Variants in EOGT observed in about 807,000 individuals in gnomAD.
EOGT encodes the protein EGF domain-specific O-linked N-acetylglucosamine transferase.
In EOGT, 55 loss-of-function variants were observed where a neutral mutation model predicts 70.5. The observed-to-expected ratio is 0.78, with a 90% CI of 0.63 to 0.98. The LOEUF (loss-of-function observed/expected upper bound fraction) is 0.98, where lower values mean the gene tolerates loss of function less well. EOGT is among the 50% of genes least tolerant of loss of function. The pLI, the probability that EOGT is intolerant of heterozygous loss-of-function variation, is 0.00. For synonymous variants in EOGT, 246 were observed against 217.1 expected, an observed-to-expected ratio of 1.13 and a Z score of -1.17; for missense variants, 703 against 641.9, an observed-to-expected ratio of 1.10 and a Z score of -1.03.
At chr3:68,989,748 C>CAAA (rs56000169) in intron 10 of EOGT, among the ~76,000 whole-genome samples, 17 of 93,214 alleles carry the variant, frequency 1.8e-4, no homozygotes, top group African/African-American at 4.7e-4. Flanking sequence ...AACTCCATCT[C>CAAA]AAAAAAAAAA....
chr3:68,975,433 C>T lies in EOGT; in HGVS notation c.*2185G>A, dbSNP rs1333074769. The T allele has an allele frequency of 2.0e-5, 3 of 152,422 alleles. No homozygotes were observed. Among genetic ancestry groups the T allele is most frequent in the East Asian group, 1.9e-4 (1 of 5,192 alleles). 9.4% of individuals were successfully genotyped at this position (152,422 alleles called of 1,614,324 possible). A position where few individuals can be genotyped will look rare whatever the true frequency, so the allele number is the denominator to read the frequency against. The stretch of plus-strand genomic sequence containing the variant: ...AATGTATTCTCTCTTCAAATATAGC[C>T]GTTTTATTATGAAATTGTTCTCAAT... On this transcript the variant is annotated 3_prime_UTR_variant, in exon 18 of 18. Transcript: ENST00000383701.
At chr3:68,996,232 A>G (rs1387734179) in intron 10 of EOGT, among the ~76,000 whole-genome samples, 1 of 152,216 alleles carries the variant, frequency 6.6e-6, no homozygotes, top group Non-Finnish European at 1.5e-5. Flanking sequence ...TTATAGTCTC[A>G]TCAGACTTCA....
chr3:69,007,218 A>C (rs950593605), intron 6 of EOGT, among the ~76,000 whole-genome samples: 1 of 152,246 alleles, frequency 6.6e-6, no homozygotes, highest in Non-Finnish European at 1.5e-5. Context: ...AGGAAAGAAA[A>C]CAACCTATTT....
At chr3:68,984,302 G>A (rs2090740358) in intron 14 of EOGT, among the ~76,000 whole-genome samples, 1 of 152,122 alleles carries the variant, frequency 6.6e-6, no homozygotes, top group Non-Finnish European at 1.5e-5. Context: ...CTTATAAAGA[G>A]TTGAAGGGGT....
At chr3:68,983,323 A>G (rs2090706018) in intron 14 of EOGT, among the ~76,000 whole-genome samples, 1 of 152,246 alleles carries the variant, frequency 6.6e-6, no homozygotes, top group African/African-American at 2.4e-5. Context: ...CTCATTTCAG[A>G]CAACACTAGC....
At chr3:68,982,913 T>A in intron 14 of EOGT, 41 bp from the exon 15 acceptor site, 1 of 1,533,900 alleles carries the variant, frequency 6.5e-7, no homozygotes, top group Non-Finnish European at 8.9e-7. Flanking sequence ...CTTTTCCTTC[T>A]TTCACTTCTG....
chr3:69,008,395 G>T (rs751825420), intron 5 of EOGT, 33 bp downstream of exon 5: 1 of 1,447,798 alleles, frequency 6.9e-7, no homozygotes, highest in Non-Finnish European at 9.7e-7. Context: ...GAAAGAGGAA[G>T]ACTTGAAGAG....
At chr3:68,985,969 C>G (rs763522604) in intron 14 of EOGT, among the ~76,000 whole-genome samples, 1 of 152,130 alleles carries the variant, frequency 6.6e-6, no homozygotes, top group Non-Finnish European at 1.5e-5. Context: ...CTTCTAGAAG[C>G]CCTCCACACT....
At chr3:68,987,590 A>AT in intron 13 of EOGT, 77 bp from the exon 14 acceptor site, 1 of 1,097,140 alleles carries the variant, frequency 9.1e-7, no homozygotes, top group East Asian at 2.4e-5. Context: ...CCAAAATGTG[A>AT]TTTTCACAAA....
intron 9 of EOGT, among the ~76,000 whole-genome samples, chr3:69,000,794 A>T (rs146336177): frequency 1.3e-5 from 2 of 152,306 alleles, no homozygotes; most frequent in African/African-American, 2.4e-5. Flanking sequence ...AGAGGCTATA[A>T]GTATAAATGA....
At chr3:68,982,114 G>C (rs1199298971) in intron 15 of EOGT, among the ~76,000 whole-genome samples, 2 of 152,094 alleles carry the variant, frequency 1.3e-5, no homozygotes, top group Non-Finnish European at 2.9e-5. Flanking sequence ...GCACCATGTT[G>C]TCCAGGTTGG....
intron 8 of EOGT, among the ~76,000 whole-genome samples, chr3:69,003,950 C>T (rs2091369216): frequency 6.6e-6 from 1 of 152,200 alleles, no homozygotes; most frequent in Non-Finnish European, 1.5e-5. Context: ...ATTGCCCAGG[C>T]TGGCCTTGAA....
chr3:68,994,159 T>A (rs2091078118), intron 10 of EOGT, among the ~76,000 whole-genome samples: 1 of 152,218 alleles, frequency 6.6e-6, no homozygotes, highest in Non-Finnish European at 1.5e-5. Context: ...ATGACTATAT[T>A]GTCATAACAC....
intron 11 of EOGT, 158 bp from the exon 12 acceptor site, chr3:68,988,735 A>T: frequency 3.1e-6 from 2 of 651,752 alleles, no homozygotes; most frequent in Non-Finnish European, 5.1e-6. Context: ...ATATTTTTGG[A>T]AAGATTATAG....
chr3:68,981,664 T>C (rs553019151), intron 15 of EOGT, among the ~76,000 whole-genome samples: 1 of 152,338 alleles, frequency 6.6e-6, no homozygotes, highest in South Asian at 2.1e-4. Context: ...CTAAGCCTTT[T>C]AGTTGTGTTA....
chr3:69,005,056 T>G (rs1266416737), intron 7 of EOGT, 84 bp downstream of exon 7: 1 of 745,480 alleles, frequency 1.3e-6, no homozygotes, highest in Non-Finnish European at 2.1e-6. Context: ...AGCAAGACCC[T>G]GTCTCAAAAA....
chr3:68,979,216 G>C (rs1269964349), intron 16 of EOGT, among the ~76,000 whole-genome samples: 1 of 152,108 alleles, frequency 6.6e-6, no homozygotes, highest in Non-Finnish European at 1.5e-5. Context: ...GTATGCCCTG[G>C]GCAAATCATG....
chr3:68,989,067 T>C, intron 10 of EOGT, 50 bp from the exon 11 acceptor site: 1 of 1,038,382 alleles, frequency 9.6e-7, no homozygotes, highest in Non-Finnish European at 1.4e-6. Flanking sequence ...GGATATAACA[T>C]GACTTTTCAA....
rs1553674989 is a variant in EOGT at position 69,011,206 on chromosome 3, T to TTTTTTTTTTTTA, written c.-15+729_-15+730insTAAAAAAAAAAA. Among the ~76,000 whole-genome samples the TTTTTTTTTTTTA allele has an allele frequency of 6.3e-4, 94 of 150,358 alleles. 1 individual carries two copies. Among genetic ancestry groups the TTTTTTTTTTTTA allele is most frequent in the African/African-American group, 2.3e-3 (92 of 40,806 alleles). ...GGGATCTTTGTTCTTTTTTTTTTTT[T>TTTTTTTTTTTTA]AAGTGCTCTTTCCACTGGATGACAG... On this transcript the variant is annotated intron_variant, in intron 3 of 17. Coordinates refer to ENST00000383701, the MANE Select transcript of EOGT (RefSeq NM_001278689.2).
Sources: gnomAD v4.1 joint callset for allele counts (sites outside exome capture counted in the v4.1 genomes callset) on GRCh38, gnomAD v4.1.1 for gene constraint, MANE v1.5 for transcripts, NCBI Gene and HGNC (gene_info 2026-07-23, HGNC 2026-07-21) for gene names.